The following UBXN2A variants were observed in gnomAD, a reference collection of about 807,000 sequenced individuals.
UBXN2A encodes UBX domain-containing protein 2A.
In UBXN2A, 28 loss-of-function variants were observed where a neutral mutation model predicts 28.4. The ratio of observed to expected loss-of-function variants is 0.99; its 90% CI spans 0.73 to 1.35. The LOEUF (loss-of-function observed/expected upper bound fraction) is 1.35. UBXN2A is among the 40% of genes most tolerant of loss of function. The pLI is 0.00. For missense variants in UBXN2A, 253 were observed against 297.9 expected (o/e 0.85, Z 1.11); for synonymous variants, 97 against 103.6 (o/e 0.94, Z 0.39).
intron 6 of UBXN2A, among the ~76,000 whole-genome samples, chr2:23,993,465 G>C (rs935923616): frequency 3.3e-5 from 5 of 151,936 alleles, no homozygotes; most frequent in African/African-American, 1.2e-4. Context: ...TTATAGGCTT[G>C]AGCCACTGCC....
chr2:23,981,324 C>T (rs1204304802), intron 4 of UBXN2A, among the ~76,000 whole-genome samples: 6 of 135,550 alleles, frequency 4.4e-5, no homozygotes, highest in African/African-American at 1.3e-4. Context: ...AAAAAAAAAC[C>T]TAAAAAAATC....
Position 24,003,162 on chromosome 2 carries a change from TAAG to T in UBXN2A, c.*3296_*3298del, listed in dbSNP as rs1708750415. ...TGCATTTTTAATCTCACGTGATTCT[TAAG>T]TATGTGGTGGAAGTACCTTTCTTCA... is the stretch of plus-strand genomic sequence containing the variant. On this transcript the variant is annotated 3_prime_UTR_variant, in exon 7 of 7. Transcript: ENST00000309033. 1 of 152,210 alleles carries T rather than the reference TAAG, an allele frequency of 6.6e-6. No homozygotes were observed. The highest frequency in any genetic ancestry group is 2.4e-5 in the African/African-American group (1 of 41,450). 9.4% of individuals were successfully genotyped at this position (152,210 alleles called of 1,614,324 possible).
chr2:23,938,154 G>A (rs756880508), upstream of UBXN2A, among the ~76,000 whole-genome samples: 8 of 152,020 alleles, frequency 5.3e-5, no homozygotes, highest in African/African-American at 1.7e-4. Context: ...GTGAGTCATC[G>A]CACCAGTATT....
intron 1 of UBXN2A, among the ~76,000 whole-genome samples, chr2:23,948,945 CT>C (rs777506305): frequency 0.027 from 3,589 of 131,672 alleles, 31 homozygotes; most frequent in South Asian, 0.044. Flanking sequence ...TCTCTTGTAG[CT>C]TTTTTTTTTT....
At chr2:23,981,393 G>A (rs532064331) in intron 4 of UBXN2A, among the ~76,000 whole-genome samples, 3 of 137,540 alleles carry the variant, frequency 2.2e-5, no homozygotes, top group East Asian at 2.2e-4. Context: ...TGGGAGAATC[G>A]CTTGAGCCCA....
chr2:23,987,889 C>T (rs1308124344), intron 6 of UBXN2A, among the ~76,000 whole-genome samples: 2 of 151,754 alleles, frequency 1.3e-5, no homozygotes, highest in Admixed American at 6.6e-5. Context: ...TTTAGGAGAC[C>T]GAGGCAGGCA....
intron 6 of UBXN2A, among the ~76,000 whole-genome samples, chr2:23,993,974 G>A (rs1187705446): frequency 6.6e-6 from 1 of 152,072 alleles, no homozygotes; most frequent in African/African-American, 2.4e-5. Flanking sequence ...GTGAGTCACC[G>A]AGCCCTGCCT....
Position 23,985,702 on chromosome 2 carries a change from T to C in UBXN2A, c.584+871T>C, listed in dbSNP as rs1214321311. Reference sequence around the variant, plus strand: ...AGCTGATAATGGGTATTTTTAAACATTGAATGAGGTAGGCCAGGTGCAATG... The same window carrying C: ...AGCTGATAATGGGTATTTTTAAACACTGAATGAGGTAGGCCAGGTGCAATG... On this transcript the variant is annotated intron_variant, in intron 6 of 6. Transcript: ENST00000309033. Among the ~76,000 whole-genome samples, 5 of 151,056 alleles carry C rather than the reference T, an allele frequency of 3.3e-5. No individual in the cohort carries two copies. In the East Asian group the frequency reaches 9.9e-4, roughly 30 times the overall value.
intron 4 of UBXN2A, among the ~76,000 whole-genome samples, chr2:23,978,415 G>A (rs1268721727): frequency 2.6e-5 from 4 of 152,200 alleles, no homozygotes; most frequent in South Asian, 2.1e-4. Flanking sequence ...AGGCCGAGGC[G>A]TGCAGATCAC....
chr2:23,981,505 A>AAAAAG (rs1707902743), intron 4 of UBXN2A, among the ~76,000 whole-genome samples: 2 of 146,976 alleles, frequency 1.4e-5, no homozygotes, highest in Non-Finnish European at 3.0e-5. Flanking sequence ...AAAAAAAAAA[A>AAAAAG]AATAGAAAAG....
At chr2:23,944,693 C>T (rs1255127059) in intron 1 of UBXN2A, among the ~76,000 whole-genome samples, 1 of 152,162 alleles carries the variant, frequency 6.6e-6, no homozygotes, top group East Asian at 1.9e-4. Context: ...ATATTGGAAA[C>T]AATGCCAGCT....
At chr2:23,993,849 A>C (rs1708439648) in intron 6 of UBXN2A, among the ~76,000 whole-genome samples, 1 of 151,770 alleles carries the variant, frequency 6.6e-6, no homozygotes, top group Admixed American at 6.6e-5. Flanking sequence ...TACCACACCC[A>C]GCTAATTTTT....
At chr2:23,993,745 C>T (rs538489503) in intron 6 of UBXN2A, among the ~76,000 whole-genome samples, 1 of 148,810 alleles carries the variant, frequency 6.7e-6, no homozygotes, top group South Asian at 2.1e-4. Context: ...TGGAGCGCAG[C>T]GGAGTGATCT....
rs1708726384 is a variant in UBXN2A at position 24,001,669 on chromosome 2, T to G, written c.*1802T>G. The G allele has an allele frequency of 6.6e-6, 1 of 151,742 alleles. No homozygotes were observed. 9.4% of individuals were successfully genotyped at this position (151,742 alleles called of 1,614,324 possible). A position where few individuals can be genotyped will look rare whatever the true frequency, so the allele number is the denominator to read the frequency against. ...ATTAAATATTAAATTTTTAAAATAT[T>G]TATTTATGGGCCAGGCACGGTGGCT... On this transcript the variant is annotated 3_prime_UTR_variant, in exon 7 of 7. Transcript: ENST00000309033.
chr2:23,949,868 C>G (rs1388021435), intron 1 of UBXN2A, among the ~76,000 whole-genome samples: 4 of 101,198 alleles, frequency 4.0e-5, no homozygotes, highest in African/African-American at 1.3e-4. Flanking sequence ...GAGCAAGACT[C>G]TGTCTCAAAA....
At chr2:23,982,051 T>A (rs1558302709) in intron 4 of UBXN2A, among the ~76,000 whole-genome samples, 1 of 151,490 alleles carries the variant, frequency 6.6e-6, no homozygotes, top group Admixed American at 6.6e-5. Context: ...AAAAGTCTCA[T>A]AAATCTCATA....
intron 2 of UBXN2A, among the ~76,000 whole-genome samples, chr2:23,964,120 G>T (rs1707058105): frequency 7.1e-6 from 1 of 140,548 alleles, no homozygotes; most frequent in African/African-American, 2.6e-5. Flanking sequence ...GGGTGACAGA[G>T]CCAGATCCTG....
At chr2:23,940,251 T>G (rs6729507), upstream of UBXN2A, among the ~76,000 whole-genome samples, 111,140 of 151,790 alleles carry the variant, frequency 0.73, 41,118 homozygotes, top group East Asian at 0.85. Flanking sequence ...GTAAGCACAC[T>G]CTGGGTTCTC....
In UBXN2A at chr2:23,964,401, G is replaced by A. The variant is rs567701314; in HGVS notation, c.41+6046G>A. 9.9e-5 allele frequency among the ~76,000 whole-genome samples: 15 copies of A among 152,180 alleles called. No individual in the cohort carries two copies. In the South Asian group the frequency reaches 2.9e-3, roughly 30 times the overall value. ...AATTTTGTATTTTTAGTAGGGACAGGGTTTCACCATGTTGGTCAGGCTGGT... is the reference window on the plus strand; with the variant it reads ...AATTTTGTATTTTTAGTAGGGACAGAGTTTCACCATGTTGGTCAGGCTGGT... On this transcript the variant is annotated intron_variant, in intron 2 of 6. Transcript: ENST00000309033.
Sources: gnomAD v4.1 joint callset for allele counts (sites outside exome capture counted in the v4.1 genomes callset) on GRCh38, gnomAD v4.1.1 for gene constraint, MANE v1.5 for transcripts, NCBI Gene and HGNC (gene_info 2026-07-23, HGNC 2026-07-21) for gene names.